Variants in DPYD observed in about 807,000 individuals in gnomAD.
The protein encoded by DPYD is dihydropyrimidine dehydrogenase.
Under a neutral mutation model 116.2 loss-of-function variants are expected in DPYD, and 109 were observed. The ratio of observed to expected loss-of-function variants is 0.94; its 90% confidence interval spans 0.80 to 1.10. The LOEUF (loss-of-function observed/expected upper bound fraction) is 1.10, where lower values mean the gene tolerates loss of function less well. Among genes scored for constraint, DPYD ranks in the 50% least tolerant of loss-of-function variants. DPYD has a pLI of 0.00. For missense variants in DPYD, 1,302 were observed against 1,254.5 expected (o/e 1.04, Z -0.57); for synonymous variants, 440 against 432.0 (o/e 1.02, Z -0.23).
intron 2 of DPYD, among the ~76,000 whole-genome samples, chr1:97,835,052 A>G: frequency 6.6e-6 from 1 of 152,052 alleles, no homozygotes; most frequent in East Asian, 1.9e-4. Flanking sequence ...AGAGGTAATC[A>G]TATTTAGCTA....
Position 97,715,797 on chromosome 1 carries a change from T to C in DPYD, c.483+5713A>G, listed in dbSNP as rs534209091. 3.3e-5 allele frequency among the ~76,000 whole-genome samples: 5 copies of C among 152,234 alleles called. No individual in the cohort carries two copies. The South Asian group carries it at 1.0e-3, about 32-fold the overall frequency. On this transcript the variant is annotated intron_variant, in intron 5 of 22. Transcript: ENST00000370192. ...ATACGGGGCTTGCACTTAATATTTCTGTCTCCACTCTTCTATTTGATAGAT... is the reference window on the plus strand; with the variant it reads ...ATACGGGGCTTGCACTTAATATTTCCGTCTCCACTCTTCTATTTGATAGAT...
chr1:97,823,824 T>C (rs1209450373), intron 3 of DPYD, among the ~76,000 whole-genome samples: 3 of 150,322 alleles, frequency 2.0e-5, no homozygotes, highest in Non-Finnish European at 3.0e-5. Context: ...TAAAAATGCA[T>C]GAAATTTCCT....
chr1:97,133,735 C>T (rs1653508461), intron 20 of DPYD, among the ~76,000 whole-genome samples: 1 of 151,752 alleles, frequency 6.6e-6, no homozygotes, highest in Non-Finnish European at 1.5e-5. Context: ...CGGTGGTTCA[C>T]ACCTGTAATC....
intron 5 of DPYD, among the ~76,000 whole-genome samples, chr1:97,708,089 G>C (rs1015132154): frequency 6.6e-6 from 1 of 151,942 alleles, no homozygotes; most frequent in Non-Finnish European, 1.5e-5. Flanking sequence ...ACCTCCCTCA[G>C]CCTTCTGAGT....
chr1:97,354,283 T>C (rs1175609287), intron 16 of DPYD, among the ~76,000 whole-genome samples: 1 of 152,198 alleles, frequency 6.6e-6, no homozygotes, highest in Non-Finnish European at 1.5e-5. Flanking sequence ...GTGCACTTTC[T>C]CTTTCTGTCC....
chr1:97,918,849 A>T (rs1160805790), intron 1 of DPYD, among the ~76,000 whole-genome samples: 1 of 152,184 alleles, frequency 6.6e-6, no homozygotes, highest in African/African-American at 2.4e-5. Context: ...CAATATTTTT[A>T]AAATATTACT....
At chr1:97,397,323 A>G (rs1269588681) in intron 14 of DPYD, among the ~76,000 whole-genome samples, 1 of 152,064 alleles carries the variant, frequency 6.6e-6, no homozygotes, top group East Asian at 1.9e-4. Context: ...ACAGATATAT[A>G]TATGGTATGT....
intron 8 of DPYD, among the ~76,000 whole-genome samples, chr1:97,624,579 A>G (rs1656815596): frequency 6.6e-6 from 1 of 152,044 alleles, no homozygotes; most frequent in Non-Finnish European, 1.5e-5. Flanking sequence ...AACTGGAAAT[A>G]CAATTACCAT....
At chr1:97,820,839 T>C (rs1371431040) in intron 3 of DPYD, among the ~76,000 whole-genome samples, 4 of 152,226 alleles carry the variant, frequency 2.6e-5, no homozygotes, top group South Asian at 2.1e-4. Flanking sequence ...ATTCTTGCCA[T>C]AGAGATATAC....
intron 8 of DPYD, among the ~76,000 whole-genome samples, chr1:97,619,014 G>A (rs1011913665): frequency 1.3e-5 from 2 of 152,096 alleles, no homozygotes; most frequent in African/African-American, 4.8e-5. Flanking sequence ...TCCTTTTTAT[G>A]ATTTTTGTTT....
chr1:97,915,978 T>G (rs1674191710), intron 1 of DPYD, among the ~76,000 whole-genome samples: 2 of 152,130 alleles, frequency 1.3e-5, no homozygotes, highest in Admixed American at 1.3e-4. Context: ...TTATTAGAAT[T>G]CTCCCACAGT....
intron 16 of DPYD, among the ~76,000 whole-genome samples, chr1:97,312,249 T>C (rs1462097355): frequency 1.3e-5 from 2 of 151,744 alleles, no homozygotes; most frequent in African/African-American, 2.4e-5. Context: ...TTGCCGAAAA[T>C]GTAAAGACTG....
intron 8 of DPYD, among the ~76,000 whole-genome samples, chr1:97,611,222 C>T (rs548712891): frequency 6.6e-6 from 1 of 152,032 alleles, no homozygotes; most frequent in African/African-American, 2.4e-5. Context: ...AGAGCCTGTG[C>T]AGAGAAACTC....
At chr1:97,165,115 A>C (rs1373751279) in intron 20 of DPYD, among the ~76,000 whole-genome samples, 1 of 152,164 alleles carries the variant, frequency 6.6e-6, no homozygotes, top group Non-Finnish European at 1.5e-5. Context: ...GAGCCCAATT[A>C]GCCAAGGCAA....
At chr1:97,225,638 T>C (rs937063961) in intron 19 of DPYD, among the ~76,000 whole-genome samples, 6 of 151,472 alleles carry the variant, frequency 4.0e-5, no homozygotes, top group African/African-American at 1.5e-4. Flanking sequence ...AGACATATGG[T>C]TTGAAAATAT....
At chr1:97,284,373 T>G (rs1665523907) in intron 18 of DPYD, among the ~76,000 whole-genome samples, 1 of 152,090 alleles carries the variant, frequency 6.6e-6, no homozygotes, top group Non-Finnish European at 1.5e-5. Flanking sequence ...AAACAGAAAG[T>G]GATACTGAAA....
intron 20 of DPYD, among the ~76,000 whole-genome samples, chr1:97,178,020 G>C (rs1050507084): frequency 6.6e-6 from 1 of 152,016 alleles, no homozygotes; most frequent in African/African-American, 2.4e-5. Flanking sequence ...CCTTCCAAAG[G>C]CCCCACCTCC....
intron 8 of DPYD, among the ~76,000 whole-genome samples, chr1:97,617,307 T>A (rs748041276): frequency 6.6e-6 from 1 of 152,280 alleles, no homozygotes; most frequent in East Asian, 1.9e-4. Context: ...TATCCATGCC[T>A]AAATAAAGGT....
At chr1:97,485,378 G>T (rs4950037) in intron 13 of DPYD, among the ~76,000 whole-genome samples, 92,115 of 151,828 alleles carry the variant, frequency 0.61, 28,144 homozygotes, top group East Asian at 0.74. Context: ...ATTTTTCTAT[G>T]TTTAGTAGAG....
Sources: allele counts gnomAD v4.1 joint callset (sites outside exome capture counted in the v4.1 genomes callset), GRCh38; gene constraint gnomAD v4.1.1; transcripts MANE v1.5; gene names NCBI Gene and HGNC (gene_info 2026-07-23, HGNC 2026-07-21).